The following PCDHGA2 variants were observed in gnomAD, a reference collection of about 807,000 sequenced individuals.
The protein encoded by PCDHGA2 is protocadherin gamma subfamily A, 2, also known as protocadherin gamma-A2.
A neutral mutation model predicts 59.2 loss-of-function variants in PCDHGA2; 40 were observed. That is an observed-to-expected ratio of 0.68 (90% confidence interval 0.52 to 0.88). The LOEUF (loss-of-function observed/expected upper bound fraction) is 0.88, where lower values mean the gene tolerates loss of function less well. PCDHGA2 is among the 40% of genes least tolerant of loss of function. The probability of loss-of-function intolerance (pLI) is 0.00; values close to 1 mark genes in which losing one functional copy is unlikely to be tolerated. For missense variants in PCDHGA2, 1,226 were observed against 1,204.0 expected (o/e 1.02, Z -0.27); for synonymous variants, 560 against 526.0 (o/e 1.06, Z -0.89).
chr5:141,364,604 C>T lies in PCDHGA2; in HGVS notation c.2424+23209C>T. On this transcript the variant is annotated intron_variant, in intron 1 of 3. Transcript: ENST00000394576. ...CTTGGTCACCGCGGGCAGGATAGAC[C>T]GGGAGGAGCTCTGCGCTCAGAGCCC... 6.2e-7 allele frequency: 1 copy of T among 1,614,162 alleles called. No homozygotes were observed. Among genetic ancestry groups the T allele is most frequent in the Non-Finnish European group, 8.5e-7 (1 of 1,179,996 alleles).
At chr5:141,413,001 G>C in intron 1 of PCDHGA2, 1 of 592,908 alleles carries the variant, frequency 1.7e-6, no homozygotes, top group Non-Finnish European at 2.8e-6. Flanking sequence ...CGGATTCTCA[G>C]GGCTTCAACT....
chr5:141,383,196 T>G, intron 1 of PCDHGA2: 3 of 1,613,866 alleles, frequency 1.9e-6, no homozygotes, highest in Non-Finnish European at 2.5e-6. Flanking sequence ...GCGCTCAGAG[T>G]GCGCGGTGTC....
intron 1 of PCDHGA2, chr5:141,372,627 G>A (rs2150009906): frequency 3.1e-6 from 5 of 1,613,974 alleles, no homozygotes; most frequent in Admixed American, 1.7e-5. Context: ...CACCTACAGC[G>A]AAAGGACTTT....
intron 1 of PCDHGA2, chr5:141,395,745 T>C (rs2093305954): frequency 6.5e-6 from 1 of 153,196 alleles, no homozygotes; most frequent in African/African-American, 2.4e-5. Context: ...AAACCTCTTT[T>C]CTGAGCCCTG....
chr5:141,464,515 A>C (rs969421973), intron 1 of PCDHGA2, among the ~76,000 whole-genome samples: 4 of 152,028 alleles, frequency 2.6e-5, no homozygotes, highest in Non-Finnish European at 4.4e-5. Flanking sequence ...CATAAGGTAA[A>C]GGCATATGTA....
At chr5:141,419,936 G>C in intron 1 of PCDHGA2, 1 of 1,614,074 alleles carries the variant, frequency 6.2e-7, no homozygotes, top group Non-Finnish European at 8.5e-7. Context: ...GTTTTACCTG[G>C]TGGTGGCCTT....
In PCDHGA2 at chr5:141,485,507, G is replaced by A. The variant is rs766643911; in HGVS notation, c.2425-9300G>A. 6.8e-6 allele frequency: 11 copies of A among 1,614,174 alleles called. No homozygotes were observed. Among genetic ancestry groups the A allele is most frequent in the Non-Finnish European group, 8.5e-6 (10 of 1,180,036 alleles). ...CGTGCCCCTGGAGTTTGTCACCGAA[G>A]GTCCTTTGGAAATGTACCGAGCAGA... On this transcript the variant is annotated intron_variant, in intron 1 of 3. Transcript: ENST00000394576. The surrounding 1 kb of genome is among the most constrained non-coding windows in gnomAD (Gnocchi z 5.7).
rs1345498022 is a variant in PCDHGA2 at position 141,493,312 on chromosome 5, A to G, written c.2425-1495A>G. On this transcript the variant is annotated intron_variant, in intron 1 of 3. Coordinates refer to ENST00000394576, the MANE Select transcript of PCDHGA2 (RefSeq NM_018915.4). This position sits in a 1 kb window ranked among gnomAD's most constrained non-coding sequence, Gnocchi z 4.3. ...CTCAAGTTCACAGAGCAAGTAAGAG[A>G]GATTCTAACCCCTGTCTAACTCCAG... 6.6e-6 allele frequency among the ~76,000 whole-genome samples: 1 copy of G among 152,174 alleles called. No individual in the cohort carries two copies. Among genetic ancestry groups the G allele is most frequent in the Non-Finnish European group, 1.5e-5 (1 of 68,028 alleles).
intron 1 of PCDHGA2, chr5:141,398,901 C>T: frequency 9.9e-6 from 16 of 1,613,954 alleles, no homozygotes; most frequent in Non-Finnish European, 1.3e-5. Flanking sequence ...TGCCACCAGG[C>T]ACCACTGTGT....
At chr5:141,475,071 C>T (rs1198043142) in intron 1 of PCDHGA2, among the ~76,000 whole-genome samples, 2 of 152,198 alleles carry the variant, frequency 1.3e-5, no homozygotes, top group Non-Finnish European at 2.9e-5. Context: ...AGCTTTGCTG[C>T]CATTATTTCA....
intron 1 of PCDHGA2, chr5:141,361,749 C>G: frequency 6.2e-7 from 1 of 1,613,058 alleles, no homozygotes; most frequent in Non-Finnish European, 8.5e-7. Flanking sequence ...GCGACCAGGG[C>G]TCGCCCGCGC....
intron 1 of PCDHGA2, among the ~76,000 whole-genome samples, chr5:141,462,897 G>A (rs2099049236): frequency 6.6e-6 from 1 of 152,130 alleles, no homozygotes; most frequent in South Asian, 2.1e-4. Context: ...TGTTTTGGAA[G>A]GCTATTATGT....
chr5:141,428,266 G>A (rs764763674), intron 1 of PCDHGA2: 1 of 810,620 alleles, frequency 1.2e-6, no homozygotes. Context: ...TGACAGTCCT[G>A]TGCCCTCTGA....
chr5:141,384,553 G>C, intron 1 of PCDHGA2: 1 of 1,614,270 alleles, frequency 6.2e-7, no homozygotes, highest in Non-Finnish European at 8.5e-7. Context: ...GAGCCTGTTC[G>C]TGCTGGACCA....
intron 1 of PCDHGA2, chr5:141,350,233 G>T: frequency 6.7e-7 from 1 of 1,502,698 alleles, no homozygotes; most frequent in Non-Finnish European, 8.9e-7. Context: ...CATCCCAGAG[G>T]AAAGAAGCTC....
chr5:141,482,086 T>C (rs1435200188), intron 1 of PCDHGA2, among the ~76,000 whole-genome samples: 6 of 93,070 alleles, frequency 6.4e-5, no homozygotes, highest in African/African-American at 3.7e-4. Flanking sequence ...ACTCACTCCA[T>C]CTCAAAAAAA....
At position 141,351,965 on chromosome 5, in the gene PCDHGA2, G is replaced by A; in HGVS notation, c.2424+10570G>A. Reference sequence around the variant, plus strand: ...CCCCGCGCTGGGGCCTGATGGCTCCGCCCTCTTCGATATGGTGCCACGCGC... The same window carrying A: ...CCCCGCGCTGGGGCCTGATGGCTCCACCCTCTTCGATATGGTGCCACGCGC... On this transcript the variant is annotated intron_variant, in intron 1 of 3. Coordinates refer to ENST00000394576, the MANE Select transcript of PCDHGA2 (RefSeq NM_018915.4). 1 of 1,612,664 alleles carries A rather than the reference G, an allele frequency of 6.2e-7. No individual in the cohort carries two copies. The highest frequency in any genetic ancestry group is 8.5e-7 in the Non-Finnish European group (1 of 1,179,708).
At chr5:141,391,213 C>T (rs1255778682) in intron 1 of PCDHGA2, 1 of 152,056 alleles carries the variant, frequency 6.6e-6, no homozygotes, top group African/African-American at 2.4e-5. Flanking sequence ...TACCAAGGAA[C>T]ATTATATGAG....
chr5:141,338,968 G>A lies in PCDHGA2; in HGVS notation c.-4G>A, dbSNP rs773936916. 2.0e-6 allele frequency: 3 copies of A among 1,527,224 alleles called. No individual in the cohort carries two copies. The highest frequency in any genetic ancestry group is 2.6e-5 in the South Asian group (2 of 77,606). The allele number at this position is 1,527,224 out of a possible 1,614,324, so 94.6% of individuals were successfully genotyped here. A position where few individuals can be genotyped will look rare whatever the true frequency, so the allele number is the denominator to read the frequency against. ...GACTCGGAGAAAATTGCGACAGGAGGGAAATGGCGGCTCTGCAAAAGTTGC... is the reference window on the plus strand; with the variant it reads ...GACTCGGAGAAAATTGCGACAGGAGAGAAATGGCGGCTCTGCAAAAGTTGC... On this transcript the variant is annotated 5_prime_UTR_variant, in exon 1 of 4. Coordinates refer to ENST00000394576, the MANE Select transcript of PCDHGA2 (RefSeq NM_018915.4).
Sources: gnomAD v4.1 joint callset for allele counts (sites outside exome capture counted in the v4.1 genomes callset) on GRCh38, gnomAD v4.1.1 for gene constraint, Gnocchi (gnomAD v3.1) non-coding constraint, MANE v1.5 for transcripts, NCBI Gene and HGNC (gene_info 2026-07-23, HGNC 2026-07-21) for gene names.